The following PXYLP1 variants were observed in gnomAD, a reference collection of about 807,000 sequenced individuals.
The protein encoded by PXYLP1 is 2-phosphoxylose phosphatase 1, also known as acid phosphatase-like 2.
In PXYLP1, 17 loss-of-function variants were observed where a neutral mutation model predicts 37.9. The ratio of observed to expected loss-of-function variants is 0.45; its 90% CI spans 0.31 to 0.67. The LOEUF (loss-of-function observed/expected upper bound fraction) is 0.67. Ranked by LOEUF, PXYLP1 falls within the 30% of genes least tolerant of loss-of-function variation. PXYLP1 has a pLI of 0.07. For synonymous variants in PXYLP1, 221 were observed against 232.2 expected, an observed-to-expected ratio of 0.95 and a Z score of 0.44; for missense variants, 511 against 612.0, an observed-to-expected ratio of 0.84 and a Z score of 1.74.
At chr3:141,251,452 C>T (rs1941139173) in intron 1 of PXYLP1, among the ~76,000 whole-genome samples, 2 of 152,168 alleles carry the variant, frequency 1.3e-5, no homozygotes, top group African/African-American at 2.4e-5. Flanking sequence ...AACTTGACCA[C>T]ATCTCTACAA....
chr3:141,232,483 G>T (rs1940544316), intron 1 of PXYLP1: 1 of 152,268 alleles, frequency 6.6e-6, no homozygotes, highest in African/African-American at 2.4e-5. Flanking sequence ...GACGGGGCTG[G>T]CTCCTCTTGG....
chr3:141,253,792 C>T (rs181471753), intron 1 of PXYLP1, among the ~76,000 whole-genome samples: 117 of 150,896 alleles, frequency 7.8e-4, no homozygotes, highest in African/African-American at 2.6e-3. Context: ...ACTATTGTCA[C>T]CATTTTGCCA....
intron 2 of PXYLP1, chr3:141,273,315 G>T (rs1390711816): frequency 1.0e-6 from 1 of 985,324 alleles, no homozygotes; most frequent in Non-Finnish European, 1.2e-6. Context: ...CAGGCTTCAG[G>T]ACCTTAGGTA....
chr3:141,267,272 T>G (rs1046839387), intron 2 of PXYLP1: 1 of 152,086 alleles, frequency 6.6e-6, no homozygotes, highest in African/African-American at 2.4e-5. Context: ...CTCAGTATGC[T>G]TCATGGAAAA....
chr3:141,256,052 G>A (rs72982505), intron 1 of PXYLP1, among the ~76,000 whole-genome samples: 4,659 of 152,324 alleles, frequency 0.031, 236 homozygotes, highest in African/African-American at 0.099. Context: ...CAGTGAGTAG[G>A]GGAGGGGCCA....
chr3:141,268,204 AGAGTGTGTGTGTGTGT>A (rs1236736623), intron 2 of PXYLP1, among the ~76,000 whole-genome samples: 5 of 29,526 alleles, frequency 1.7e-4, no homozygotes, highest in African/African-American at 4.4e-4. Flanking sequence ...AGAGAGAGAG[AGAGTGTGTGTGTGTGT>A]GTGTGTGTGT....
At chr3:141,236,874 T>C (rs1403824790) in intron 1 of PXYLP1, among the ~76,000 whole-genome samples, 1 of 152,162 alleles carries the variant, frequency 6.6e-6, no homozygotes, top group Admixed American at 6.5e-5. Flanking sequence ...AAAACATAGA[T>C]ATAAATATGA....
At chr3:141,236,534 T>C (rs1576571490) in intron 1 of PXYLP1, 1 of 152,314 alleles carries the variant, frequency 6.6e-6, no homozygotes, top group East Asian at 1.9e-4. Context: ...GACATGTGTC[T>C]TTTCAACCAA....
At chr3:141,251,359 A>G (rs1226612406) in intron 1 of PXYLP1, among the ~76,000 whole-genome samples, 1 of 152,232 alleles carries the variant, frequency 6.6e-6, no homozygotes, top group African/African-American at 2.4e-5. Context: ...ATAGGAGAAG[A>G]AAAACGTCAG....
intron 4 of PXYLP1, 141 bp downstream of exon 4, chr3:141,279,645 T>C (rs7643005): frequency 0.026 from 27,770 of 1,066,060 alleles, 686 homozygotes; most frequent in East Asian, 0.11. Flanking sequence ...AGTGCCATTA[T>C]ACAGTTGAAA....
intron 1 of PXYLP1, among the ~76,000 whole-genome samples, chr3:141,235,793 G>C (rs1940645750): frequency 1.3e-5 from 2 of 152,144 alleles, no homozygotes; most frequent in Admixed American, 6.5e-5. Context: ...TGAATTTCAG[G>C]GTCCGCTCTG....
At chr3:141,287,555 G>A in intron 5 of PXYLP1, 102 bp downstream of exon 5, 15 of 1,358,544 alleles carry the variant, frequency 1.1e-5, no homozygotes, top group Non-Finnish European at 1.5e-5. Flanking sequence ...AGCTCAGAGG[G>A]GGTAAGCAAG....
intron 3 of PXYLP1, among the ~76,000 whole-genome samples, chr3:141,279,080 G>A (rs568519111): frequency 1.3e-5 from 2 of 152,322 alleles, no homozygotes; most frequent in Non-Finnish European, 2.9e-5. Context: ...GCATGTGAGT[G>A]AGGCCACATT....
rs538648164 is a variant in PXYLP1, at chr3:141,294,827, C to A, written c.*1622C>A. On this transcript the variant is annotated 3_prime_UTR_variant, in exon 6 of 6. Transcript: ENST00000286353. ...AGTATTCAAAGACTAAATGTGTTTTCTTTCCTTCCCACTCACAATATATCT... is the reference window on the plus strand; with the variant it reads ...AGTATTCAAAGACTAAATGTGTTTTATTTCCTTCCCACTCACAATATATCT... 6.6e-6 allele frequency: 1 copy of A among 152,266 alleles called. No individual in the cohort carries two copies. Among genetic ancestry groups the A allele is most frequent in the South Asian group, 2.1e-4 (1 of 4,822 alleles). 9.4% of individuals were successfully genotyped at this position (152,266 alleles called of 1,614,324 possible). A position where few individuals can be genotyped will look rare whatever the true frequency, so the allele number is the denominator to read the frequency against.
At chr3:141,285,036 C>G (rs1250066366) in intron 4 of PXYLP1, among the ~76,000 whole-genome samples, 5 of 152,078 alleles carry the variant, frequency 3.3e-5, no homozygotes, top group African/African-American at 1.2e-4. Context: ...ACCAGGCAGA[C>G]AAGGCCTGGG....
intron 1 of PXYLP1, among the ~76,000 whole-genome samples, chr3:141,240,247 A>G (rs896886508): frequency 6.6e-6 from 1 of 152,336 alleles, no homozygotes; most frequent in African/African-American, 2.4e-5. Context: ...TAAACGGGCC[A>G]TGTGAGTGTG....
chr3:141,248,542 C>G (rs1941023497), intron 1 of PXYLP1, among the ~76,000 whole-genome samples: 4 of 148,780 alleles, frequency 2.7e-5, no homozygotes. Flanking sequence ...TATATACACA[C>G]ACGTATATAT....
chr3:141,268,874 C>T (rs1457956722), intron 2 of PXYLP1, among the ~76,000 whole-genome samples: 1 of 152,216 alleles, frequency 6.6e-6, no homozygotes, highest in Non-Finnish European at 1.5e-5. Context: ...TGGCCCCTCT[C>T]TAGGATTTAT....
intron 1 of PXYLP1, among the ~76,000 whole-genome samples, chr3:141,259,328 A>G (rs986830756): frequency 2.6e-5 from 4 of 152,246 alleles, no homozygotes; most frequent in African/African-American, 9.6e-5. Flanking sequence ...TAAAATCCCA[A>G]AGAGAACCAG....
Sources: allele counts gnomAD v4.1 joint callset (sites outside exome capture counted in the v4.1 genomes callset), GRCh38; gene constraint gnomAD v4.1.1; transcripts MANE v1.5; gene names NCBI Gene and HGNC (gene_info 2026-07-23, HGNC 2026-07-21).